CTNNA3: variants seen among roughly 807,000 people sequenced by gnomAD.
The protein encoded by CTNNA3 is catenin alpha-3.
CTNNA3 carries 76 observed loss-of-function variants against 95.7 expected under a neutral mutation model. The observed-to-expected ratio is 0.79, with a 90% CI of 0.66 to 0.96. The LOEUF (loss-of-function observed/expected upper bound fraction) is 0.96. CTNNA3 is among the 40% of genes least tolerant of loss of function. The pLI is 0.00. For synonymous variants in CTNNA3, 431 were observed against 374.4 expected (o/e 1.15, Z -1.74); for missense variants, 1,191 against 1,089.8 (o/e 1.09, Z -1.31).
At chr10:67,576,558 T>C (rs1418319905) in intron 3 of CTNNA3, among the ~76,000 whole-genome samples, 1 of 151,196 alleles carries the variant, frequency 6.6e-6, no homozygotes, top group African/African-American at 2.4e-5. Flanking sequence ...TTTATTTTAT[T>C]TTATTATTAT....
intron 11 of CTNNA3, among the ~76,000 whole-genome samples, chr10:66,464,516 A>G (rs1178607546): frequency 6.6e-6 from 1 of 152,114 alleles, no homozygotes; most frequent in Non-Finnish European, 1.5e-5. Flanking sequence ...TAATCGCAGC[A>G]CTTTGTGAGG....
At chr10:66,307,695 A>T (rs573454970) in intron 12 of CTNNA3, among the ~76,000 whole-genome samples, 1 of 152,242 alleles carries the variant, frequency 6.6e-6, no homozygotes, top group Admixed American at 6.5e-5. Context: ...TGAATTTCAT[A>T]AAAATCAAAA....
intron 11 of CTNNA3, among the ~76,000 whole-genome samples, chr10:66,505,528 A>G (rs1254147926): frequency 6.6e-6 from 1 of 152,130 alleles, no homozygotes; most frequent in Non-Finnish European, 1.5e-5. Context: ...TCAATGTTAT[A>G]GAAGATCCTG....
chr10:66,492,303 A>T (rs1485068036), intron 11 of CTNNA3, among the ~76,000 whole-genome samples: 1 of 152,082 alleles, frequency 6.6e-6, no homozygotes, highest in East Asian at 1.9e-4. Context: ...TTTTGTTTTG[A>T]GACAATGTCT....
chr10:66,536,038 TG>T (rs1032589940), intron 10 of CTNNA3, among the ~76,000 whole-genome samples: 9 of 151,942 alleles, frequency 5.9e-5, no homozygotes, highest in African/African-American at 2.2e-4. Flanking sequence ...AAACAAAATC[TG>T]GGGAAGAAAA....
rs1334836827 is a variant in CTNNA3, at chr10:66,069,327, C to T, written c.2140G>A (p.Glu714Lys). 2.5e-6 allele frequency: 4 copies of T among 1,613,438 alleles called. No individual in the cohort carries two copies. In the South Asian group the frequency reaches 3.3e-5, roughly 13 times the overall value. Reference protein sequence around the residue: ...LAKNMCMIMMEMTDFTRGKGP... With the variant: ...LAKNMCMIMMKMTDFTRGKGP... The stretch of plus-strand genomic sequence containing the variant: ...AATTACCTAGTGAAGTCTGTCATCT[C>T]CATCATGATCATACACATGTTCTTG... Residue 714 changes from glutamate to lysine, a missense_variant, in exon 15 of 18, where the codon GAG becomes AAG. Glu to Lys is a moderately conservative substitution (Grantham distance 56, BLOSUM62 1). Transcript: ENST00000433211.
At chr10:67,599,572 TA>T (rs769697803) in intron 3 of CTNNA3, among the ~76,000 whole-genome samples, 10 of 151,098 alleles carry the variant, frequency 6.6e-5, no homozygotes, top group Non-Finnish European at 8.9e-5. Context: ...GGAACTAAAG[TA>T]AAAAAAAAGT....
Position 66,103,259 on chromosome 10 carries a change from G to A in CTNNA3, c.1885-10C>T, listed in dbSNP as rs1554849095. 1 of 1,609,102 alleles carries A rather than the reference G, an allele frequency of 6.2e-7. No homozygotes were observed. Among genetic ancestry groups the A allele is most frequent in the Admixed American group, 1.7e-5 (1 of 59,952 alleles). ...CCAGTTCCTCTGGGGTCTATAAAAAGAAAGCAAAACATTGCTAGTGGGAAT... is the reference window on the plus strand; with the variant it reads ...CCAGTTCCTCTGGGGTCTATAAAAAAAAAGCAAAACATTGCTAGTGGGAAT... On this transcript the variant is annotated splice_polypyrimidine_tract_variant and intron_variant, in intron 13 of 17. Coordinates refer to ENST00000433211, the MANE Select transcript of CTNNA3 (RefSeq NM_013266.4).
At chr10:66,767,622 G>C (rs1201483654) in intron 8 of CTNNA3, among the ~76,000 whole-genome samples, 1 of 151,932 alleles carries the variant, frequency 6.6e-6, no homozygotes, top group Non-Finnish European at 1.5e-5. Context: ...TTCTGTCAAA[G>C]TTACATTTTA....
At chr10:66,181,327 G>A (rs1031663556) in intron 13 of CTNNA3, among the ~76,000 whole-genome samples, 2 of 152,090 alleles carry the variant, frequency 1.3e-5, no homozygotes, top group African/African-American at 4.8e-5. Context: ...CCAATTTGCA[G>A]AATTGTCAGT....
rs976203081 is a variant in CTNNA3 at position 66,935,633 on chromosome 10, AATAT to A, written c.1048-160113_1048-160110del. Among the ~76,000 whole-genome samples, 3 of 151,718 alleles carry A rather than the reference AATAT, an allele frequency of 2.0e-5. No individual in the cohort carries two copies. In the East Asian group the frequency reaches 5.8e-4, roughly 29 times the overall value. ...TACGTATGTTGTACATGCCTAAAAA[AATAT>A]ATATATATTTTCCTATTAGGTGAAT... On this transcript the variant is annotated intron_variant, in intron 7 of 17. Coordinates refer to ENST00000433211, the MANE Select transcript of CTNNA3 (RefSeq NM_013266.4).
intron 16 of CTNNA3, among the ~76,000 whole-genome samples, chr10:65,975,791 G>C: frequency 6.6e-6 from 1 of 151,992 alleles, no homozygotes; most frequent in East Asian, 1.9e-4. Flanking sequence ...AGTTTTCTCT[G>C]TTTCATTCAC....
chr10:67,021,438 T>A (rs562333768), intron 7 of CTNNA3, among the ~76,000 whole-genome samples: 1 of 152,208 alleles, frequency 6.6e-6, no homozygotes, highest in Admixed American at 6.5e-5. Flanking sequence ...ACTGAAAATA[T>A]AAAATTTTAA....
chr10:66,893,556 C>T (rs1295606792), intron 7 of CTNNA3, among the ~76,000 whole-genome samples: 1 of 149,506 alleles, frequency 6.7e-6, no homozygotes, highest in Non-Finnish European at 1.5e-5. Context: ...AAAAAAAAAA[C>T]CCATTTAATT....
chr10:66,176,295 G>T (rs1219828384), intron 13 of CTNNA3, among the ~76,000 whole-genome samples: 1 of 152,092 alleles, frequency 6.6e-6, no homozygotes, highest in East Asian at 1.9e-4. Context: ...AAAGGATAAT[G>T]CTTCTGAAAA....
chr10:66,522,732 C>G (rs1158204658), intron 10 of CTNNA3, among the ~76,000 whole-genome samples: 1 of 149,716 alleles, frequency 6.7e-6, no homozygotes, highest in Non-Finnish European at 1.5e-5. Flanking sequence ...AAACTGATGT[C>G]TCTGATTTTT....
chr10:66,326,530 A>G (rs1326247948), intron 12 of CTNNA3, among the ~76,000 whole-genome samples: 2 of 152,144 alleles, frequency 1.3e-5, no homozygotes, highest in African/African-American at 4.8e-5. Context: ...AAGTGAATGT[A>G]TATAAAATGC....
At chr10:66,677,788 C>T (rs773183018) in intron 9 of CTNNA3, among the ~76,000 whole-genome samples, 2 of 152,070 alleles carry the variant, frequency 1.3e-5, no homozygotes, top group Non-Finnish European at 2.9e-5. Flanking sequence ...ATAAATTACC[C>T]GGTCTCTGGT....
intron 11 of CTNNA3, among the ~76,000 whole-genome samples, chr10:66,485,913 G>A (rs1467718638): frequency 6.6e-6 from 1 of 152,050 alleles, no homozygotes; most frequent in African/African-American, 2.4e-5. Flanking sequence ...GACAGCCCAG[G>A]AATAAACCCA....
Sources: allele counts gnomAD v4.1 joint callset (sites outside exome capture counted in the v4.1 genomes callset), GRCh38; gene constraint gnomAD v4.1.1; transcripts MANE v1.5; gene names NCBI Gene and HGNC (gene_info 2026-07-23, HGNC 2026-07-21).